The following WDR87 variants were observed in gnomAD, a reference collection of about 807,000 sequenced individuals.
WDR87 encodes WD repeat domain 87, also known as WD repeat-containing protein 87.
WDR87 carries 56 observed loss-of-function variants against 83.3 expected under a neutral mutation model. The observed-to-expected ratio is 0.67, with a 90% CI of 0.54 to 0.84. The LOEUF is 0.84. Ranked by LOEUF, WDR87 falls within the 40% of genes least tolerant of loss-of-function variation. WDR87 has a pLI of 0.00. For missense variants in WDR87, 2,939 were observed against 3,431.9 expected (o/e 0.86, Z 3.59); for synonymous variants, 1,173 against 1,250.6 (o/e 0.94, Z 1.31).
In WDR87 at chr19:37,892,190, C is replaced by T. The variant is rs117022512; in HGVS notation, c.3126-370G>A. On this transcript the variant is annotated intron_variant, in intron 4 of 5. Coordinates refer to ENST00000447313, the MANE Select transcript of WDR87 (RefSeq NM_001291088.2). ...GGAAGATTTCTTGAGCCCAGGAGTT[C>T]GAGACCAGCCTGGGCAATATAGTGA... 3.8e-3 allele frequency among the ~76,000 whole-genome samples: 577 copies of T among 152,228 alleles called. 3 individuals are homozygous for T. Among genetic ancestry groups the T allele is most frequent in the Non-Finnish European group, 5.2e-3 (353 of 68,010 alleles).
Position 37,892,522 on chromosome 19 carries a change from G to A in WDR87, c.3125+56C>T, listed in dbSNP as rs979123649. The A allele has an allele frequency of 7.2e-6, 10 of 1,392,008 alleles. No homozygotes were observed. In the African/African-American group the frequency reaches 1.5e-4, roughly 20 times the overall value. 86.2% of individuals were successfully genotyped at this position (1,392,008 alleles called of 1,614,324 possible). ...GAACAGGGATGAAGAAATAGCAAAG[G>A]AAAGGAGGGGGAAAATGGCGAATGG... is the stretch of plus-strand genomic sequence containing the variant. On this transcript the variant is annotated intron_variant, in intron 4 of 5. Transcript: ENST00000447313.
chr19:37,891,865 A>G (rs1335995290), intron 4 of WDR87, 45 bp from the exon 5 acceptor site: 21 of 1,531,910 alleles, frequency 1.4e-5, no homozygotes, highest in Non-Finnish European at 1.8e-5. Flanking sequence ...AGTCAGGAAC[A>G]AAAGGGAGAA....
chr19:37,889,989 T>C lies in WDR87; in HGVS notation c.3682A>G (p.Lys1228Glu). Residue 1228 changes from lysine (K) to glutamate (E), a missense_variant, in exon 6 of 6, where the codon AAA becomes GAA. This residue lies in a region of WDR87 where 2,160 missense variants were observed against 2,533.1 expected (regional missense o/e 0.85). Transcript: ENST00000447313. ...RDKKATAQKL[K>E]KKHKKKGKEA... ...TTTCCCTTCTTTTTGTGCTTCTTTTTGAGTTTCTGAGCTGTTGCTTTCTTG... is the reference window on the plus strand; with the variant it reads ...TTTCCCTTCTTTTTGTGCTTCTTTTCGAGTTTCTGAGCTGTTGCTTTCTTG... The C allele has an allele frequency of 6.4e-7, 1 of 1,551,756 alleles. No individual in the cohort carries two copies. The highest frequency in any genetic ancestry group is 1.4e-5 in the African/African-American group (1 of 73,180).
intron 5 of WDR87, among the ~76,000 whole-genome samples, 199 bp downstream of exon 5, chr19:37,891,353 G>A (rs1398059368): frequency 3.3e-5 from 5 of 151,930 alleles, no homozygotes; most frequent in Admixed American, 6.6e-5. Context: ...TAGTAGAGAC[G>A]GGGTTTCACC....
At position 37,892,684 on chromosome 19, in the gene WDR87, C is replaced by T; in HGVS notation, c.3019G>A (p.Glu1007Lys). ...PLAQGLMDKD[E>K]RVRIKTLSLM... ...CTTAGGGTCTTGATCCTCACTCTTTCATCCTTGTCCATTAATCCTTGAGCC... is the reference window on the plus strand; with the variant it reads ...CTTAGGGTCTTGATCCTCACTCTTTTATCCTTGTCCATTAATCCTTGAGCC... The change falls in exon 4 of 6, where the codon GAA becomes AAA. Residue 1007 changes from glutamate to lysine, a missense_variant. This residue lies in a region of WDR87 where 2,160 missense variants were observed against 2,533.1 expected (regional missense o/e 0.85). Coordinates refer to ENST00000447313, the MANE Select transcript of WDR87 (RefSeq NM_001291088.2). The T allele has an allele frequency of 1.3e-6, 2 of 1,551,838 alleles. No individual in the cohort carries two copies. The highest frequency in any genetic ancestry group is 1.7e-6 in the Non-Finnish European group (2 of 1,147,022).
intron 5 of WDR87, among the ~76,000 whole-genome samples, chr19:37,891,249 C>T (rs940481964): frequency 8.6e-5 from 13 of 151,824 alleles, no homozygotes; most frequent in Non-Finnish European, 1.9e-4. Context: ...TTGCAACCTC[C>T]ACCTCCTGGG....
chr19:37,903,747 C>G (rs1480222668), intron 1 of WDR87, among the ~76,000 whole-genome samples: 2 of 152,026 alleles, frequency 1.3e-5, no homozygotes, highest in African/African-American at 2.4e-5. Context: ...CCAGGCTGGT[C>G]TCAAACTCCT....
Position 37,893,885 on chromosome 19 carries a change from C to T in WDR87, c.1818G>A (p.Leu606=). The T allele has an allele frequency of 6.4e-7, 1 of 1,551,922 alleles. No homozygotes were observed. Among genetic ancestry groups the T allele is most frequent in the Non-Finnish European group, 8.7e-7 (1 of 1,147,060 alleles). The change falls in exon 4 of 6, where the codon CTG becomes CTA. Residue 606 remains leucine (L), a synonymous_variant. Transcript: ENST00000447313. ...LKFIETLPLH[L]CAITSFDVCL... is the part of the protein sequence containing the mutation. ...AGACATCAAAGGATGTGATGGCACA[C>T]AGGTGCAGAGGCAGTGTTTCTATGA...
Position 37,886,444 on chromosome 19 carries a change from T to C in WDR87, c.7227A>G (p.Leu2409=). 1 of 1,528,928 alleles carries C rather than the reference T, an allele frequency of 6.5e-7. No individual in the cohort carries two copies. Among genetic ancestry groups the C allele is most frequent in the Non-Finnish European group, 8.8e-7 (1 of 1,141,058 alleles). 94.7% of individuals were successfully genotyped at this position (1,528,928 alleles called of 1,614,324 possible). A position where few individuals can be genotyped will look rare whatever the true frequency, so the allele number is the denominator to read the frequency against. ...TGCCTTTGCCATGAGGAACTCCTCT[T>C]AAAATGGAAAGGACTCTTTCCCTTC... The part of the protein sequence containing the change: ...LRGRERVLSI[L]RGVPHGKGRA... Residue 2409 remains leucine, a synonymous_variant, in exon 6 of 6, where the codon TTA becomes TTG. Transcript: ENST00000447313.
chr19:37,900,413 T>C (rs992156794), intron 1 of WDR87, among the ~76,000 whole-genome samples: 3 of 151,268 alleles, frequency 2.0e-5, no homozygotes, highest in African/African-American at 7.3e-5. Context: ...ATACAAAAAT[T>C]AGCCGGGCAC....
rs763153590 is a variant in WDR87, at chr19:37,886,746, T to TCCTTTCCTCCTCCTCCTC, written c.6907_6924dup (p.Glu2303_Arg2308dup). On this transcript the variant is annotated inframe_insertion, in exon 6 of 6. Transcript: ENST00000447313. ...TTCTCCTCCCCTTCCTCCTCCTCCT[T>TCCTTTCCTCCTCCTCCTC]CCTTTCCTCCTCCTCCTCCCTTTCC... 3.4e-4 allele frequency: 500 copies of TCCTTTCCTCCTCCTCCTC among 1,466,592 alleles called. No homozygotes were observed. The highest frequency in any genetic ancestry group is 1.0e-3 in the Middle Eastern group (6 of 5,776). 90.8% of individuals were successfully genotyped at this position (1,466,592 alleles called of 1,614,324 possible). A position where few individuals can be genotyped will look rare whatever the true frequency, so the allele number is the denominator to read the frequency against.
Position 37,887,359 on chromosome 19 carries a change from G to GCTCTCC in WDR87, c.6306_6311dup (p.Arg2102_Glu2103dup). 2 of 1,551,576 alleles carry GCTCTCC rather than the reference G, an allele frequency of 1.3e-6. No homozygotes were observed. The highest frequency in any genetic ancestry group is 1.7e-6 in the Non-Finnish European group (2 of 1,146,958). Reference sequence around the variant, plus strand: ...TCAGTTTTGCTGGTTCCTTGGAAAGGCTCTCCCTTTTTTTAATCAACTTCC... The same window carrying GCTCTCC: ...TCAGTTTTGCTGGTTCCTTGGAAAGGCTCTCCCTCTCCCTTTTTTTAATCAACTTCC... On this transcript the variant is annotated inframe_insertion, in exon 6 of 6. Transcript: ENST00000447313.
rs1323772688 is a variant in WDR87 at position 37,885,812 on chromosome 19, A to G, written c.7859T>C (p.Leu2620Pro). 3 of 1,551,838 alleles carry G rather than the reference A, an allele frequency of 1.9e-6. No homozygotes were observed. The highest frequency in any genetic ancestry group is 2.4e-5 in the South Asian group (2 of 84,062). The part of the protein sequence containing the change: ...EAIVYRHRQA[L>P]ESQDTRISSR... ...TGAGATCCTTGTGTCTTGTGACTCC[A>G]GGGCCTGTCTGTGACGGTACACAAT... Residue 2620 changes from leucine to proline, a missense_variant, in exon 6 of 6, where the codon CTG becomes CCG. This residue lies in a region of WDR87 where 2,160 missense variants were observed against 2,533.1 expected (regional missense o/e 0.85). Coordinates refer to ENST00000447313, the MANE Select transcript of WDR87 (RefSeq NM_001291088.2).
Position 37,895,226 on chromosome 19 carries a change from C to T in WDR87, c.477G>A (p.Pro159=), listed in dbSNP as rs564595032. 1.4e-4 allele frequency: 215 copies of T among 1,551,694 alleles called. No homozygotes were observed. The highest frequency in any genetic ancestry group is 1.7e-4 in the Non-Finnish European group (200 of 1,147,006). ...RFNISCLCYD[P]EMKMLLSGIL... ...TGCCAGACAGAAGCATCTTCATTTC[C>T]GGGTCATAGCAGAGGCAGCTGATGT... Residue 159 remains proline, a synonymous_variant, in exon 4 of 6, where the codon CCG becomes CCA. Coordinates refer to ENST00000447313, the MANE Select transcript of WDR87 (RefSeq NM_001291088.2).
chr19:37,896,384 G>A, intron 2 of WDR87, 76 bp from the exon 3 acceptor site: 1 of 1,476,528 alleles, frequency 6.8e-7, no homozygotes, highest in East Asian at 2.5e-5. Flanking sequence ...AGTCACAGTT[G>A]GAGCAGTTCC....
At chr19:37,906,115 C>A (rs1469863319) in intron 1 of WDR87, among the ~76,000 whole-genome samples, 7 of 152,192 alleles carry the variant, frequency 4.6e-5, no homozygotes, top group African/African-American at 1.4e-4. Context: ...GGCTTCTCCA[C>A]CAGAGGACCT....
intron 1 of WDR87, among the ~76,000 whole-genome samples, chr19:37,902,421 T>G (rs2046299079): frequency 6.6e-6 from 1 of 151,772 alleles, no homozygotes; most frequent in Non-Finnish European, 1.5e-5. Flanking sequence ...TTTTACCATG[T>G]TGGCCAGGCT....
At chr19:37,903,622 C>G (rs568657839) in intron 1 of WDR87, among the ~76,000 whole-genome samples, 1 of 152,144 alleles carries the variant, frequency 6.6e-6, no homozygotes, top group East Asian at 1.9e-4. Context: ...CTCAACCACT[C>G]CGGCTCAAGT....
intron 1 of WDR87, among the ~76,000 whole-genome samples, chr19:37,904,972 C>T (rs1021749796): frequency 1.3e-4 from 20 of 152,068 alleles, no homozygotes; most frequent in African/African-American, 4.3e-4. Flanking sequence ...CATGGTGGCT[C>T]ACGCCTGTAA....
Sources: gnomAD v4.1 joint callset for allele counts (sites outside exome capture counted in the v4.1 genomes callset) on GRCh38, gnomAD v4.1.1 for gene constraint, gnomAD v4.1.1 regional missense constraint, MANE v1.5 for transcripts, NCBI Gene and HGNC (gene_info 2026-07-23, HGNC 2026-07-21) for gene names.